GPR39: variants seen among roughly 807,000 people sequenced by gnomAD.
GPR39 encodes G protein-coupled receptor 39.
In GPR39, 23 loss-of-function variants were observed where a neutral mutation model predicts 18.4. That is an observed-to-expected ratio of 1.25 (90% CI 0.90 to 1.77). The LOEUF is 1.77. Ranked by LOEUF, GPR39 falls within the 40% of genes most tolerant of loss-of-function variation. The pLI is 0.00. For missense variants in GPR39, 647 were observed against 602.4 expected (o/e 1.07, Z -0.78); for synonymous variants, 280 against 257.9 (o/e 1.09, Z -0.82).
intron 1 of GPR39, among the ~76,000 whole-genome samples, chr2:132,540,697 A>C (rs534636127): frequency 2.2e-4 from 34 of 152,282 alleles, no homozygotes; most frequent in Middle Eastern, 3.4e-3. Context: ...ACTGCCCATC[A>C]GCTGCAAGGG....
At chr2:132,543,086 G>A (rs904640088) in intron 1 of GPR39, among the ~76,000 whole-genome samples, 1 of 152,210 alleles carries the variant, frequency 6.6e-6, no homozygotes, top group Non-Finnish European at 1.5e-5. Flanking sequence ...AGCTAGGTTT[G>A]CATTCTTGTC....
chr2:132,446,086 C>T (rs550242751), intron 1 of GPR39, among the ~76,000 whole-genome samples: 1 of 152,198 alleles, frequency 6.6e-6, no homozygotes, highest in Admixed American at 6.5e-5. Context: ...AGAGAAAGAA[C>T]TAGTTAGTAG....
chr2:132,509,087 A>G (rs1325529133), intron 1 of GPR39, among the ~76,000 whole-genome samples: 1 of 152,200 alleles, frequency 6.6e-6, no homozygotes, highest in Non-Finnish European at 1.5e-5. Flanking sequence ...GGGAAACCAG[A>G]GAAAAGTGTT....
At chr2:132,546,295 A>T (rs945980429) in intron 1 of GPR39, among the ~76,000 whole-genome samples, 3 of 152,200 alleles carry the variant, frequency 2.0e-5, no homozygotes, top group Non-Finnish European at 4.4e-5. Context: ...ACAAGCCCCC[A>T]GTGAATTTTA....
At chr2:132,498,496 C>G (rs1364250040) in intron 1 of GPR39, among the ~76,000 whole-genome samples, 1 of 152,118 alleles carries the variant, frequency 6.6e-6, no homozygotes, top group African/African-American at 2.4e-5. Context: ...TGGGCTGGTT[C>G]CATTTTTTTG....
chr2:132,466,626 C>G (rs763757488), intron 1 of GPR39, among the ~76,000 whole-genome samples: 1 of 152,068 alleles, frequency 6.6e-6, no homozygotes, highest in Non-Finnish European at 1.5e-5. Flanking sequence ...AGGCCTGGAC[C>G]CTTTTGAGGA....
chr2:132,616,537 T>G (rs1187464698), intron 1 of GPR39, among the ~76,000 whole-genome samples: 2 of 152,164 alleles, frequency 1.3e-5, no homozygotes, highest in Non-Finnish European at 1.5e-5. Flanking sequence ...AGAGGCCCTA[T>G]TCTCTGACTT....
At chr2:132,614,782 C>T (rs1466025160) in intron 1 of GPR39, among the ~76,000 whole-genome samples, 1 of 152,096 alleles carries the variant, frequency 6.6e-6, no homozygotes. Flanking sequence ...GAACTCCTGA[C>T]CACCTGCCTC....
At chr2:132,483,543 CAG>C (rs568934934) in intron 1 of GPR39, among the ~76,000 whole-genome samples, 3 of 152,202 alleles carry the variant, frequency 2.0e-5, no homozygotes, top group Non-Finnish European at 4.4e-5. Context: ...GTTCTGGTCT[CAG>C]AGTTATATGG....
At chr2:132,497,909 T>G (rs1681678052) in intron 1 of GPR39, among the ~76,000 whole-genome samples, 2 of 152,178 alleles carry the variant, frequency 1.3e-5, no homozygotes. Context: ...TCTATGACTG[T>G]GCCCTATTAA....
At chr2:132,498,580 GGAGATACA>G (rs1190904848) in intron 1 of GPR39, among the ~76,000 whole-genome samples, 3 of 152,092 alleles carry the variant, frequency 2.0e-5, no homozygotes, top group African/African-American at 7.2e-5. Flanking sequence ...TTTCCTCTGG[GGAGATACA>G]TAGTGGTGGG....
intron 1 of GPR39, among the ~76,000 whole-genome samples, chr2:132,510,053 G>A (rs1165201362): frequency 6.6e-6 from 1 of 152,224 alleles, no homozygotes; most frequent in Admixed American, 6.5e-5. Flanking sequence ...AACTATGACT[G>A]AGAGGCTCAA....
At chr2:132,505,280 A>G (rs62167453) in intron 1 of GPR39, among the ~76,000 whole-genome samples, 21,976 of 152,160 alleles carry the variant, frequency 0.14, 1,702 homozygotes, top group African/African-American at 0.2. Flanking sequence ...AATACATAAT[A>G]TGTGTACATA....
At chr2:132,457,542 G>A (rs1680752050) in intron 1 of GPR39, among the ~76,000 whole-genome samples, 1 of 152,172 alleles carries the variant, frequency 6.6e-6, no homozygotes, top group Admixed American at 6.5e-5. Context: ...TGTGGTGTCA[G>A]TCAGCCCCTA....
At chr2:132,462,088 G>A (rs776885797) in intron 1 of GPR39, among the ~76,000 whole-genome samples, 2 of 152,172 alleles carry the variant, frequency 1.3e-5, no homozygotes, top group Non-Finnish European at 2.9e-5. Context: ...GCTCATGAGG[G>A]AGGGACTCCT....
chr2:132,501,897 C>A (rs1187199189), intron 1 of GPR39, among the ~76,000 whole-genome samples: 3 of 152,162 alleles, frequency 2.0e-5, no homozygotes, highest in African/African-American at 7.2e-5. Flanking sequence ...GATCACTACT[C>A]CTGCTCACTT....
chr2:132,610,167 C>T (rs1364150906), intron 1 of GPR39, among the ~76,000 whole-genome samples: 1 of 152,108 alleles, frequency 6.6e-6, no homozygotes, highest in Non-Finnish European at 1.5e-5. Flanking sequence ...CCCTTTTGGT[C>T]ACAGATCCTC....
intron 1 of GPR39, among the ~76,000 whole-genome samples, chr2:132,601,291 C>T (rs770394691): frequency 4.6e-5 from 7 of 151,964 alleles, no homozygotes; most frequent in East Asian, 3.9e-4. Flanking sequence ...ATTCCAGGGA[C>T]GTAAGGATGG....
chr2:132,619,619 GTC>G (rs1681398483), intron 1 of GPR39, among the ~76,000 whole-genome samples: 2 of 152,254 alleles, frequency 1.3e-5, no homozygotes, highest in East Asian at 3.9e-4. Context: ...CATTTAGGAA[GTC>G]TCTGTCCCCT....
Sources: gnomAD v4.1 joint callset for allele counts (sites outside exome capture counted in the v4.1 genomes callset) on GRCh38, gnomAD v4.1.1 for gene constraint, MANE v1.5 for transcripts, NCBI Gene and HGNC (gene_info 2026-07-23, HGNC 2026-07-21) for gene names.